The following TIMD4 variants were observed in gnomAD, a reference collection of about 807,000 sequenced individuals.
TIMD4 encodes the protein T-cell immunoglobulin and mucin domain-containing protein 4.
A neutral mutation model predicts 41.2 loss-of-function variants in TIMD4; 31 were observed. The ratio of observed to expected loss-of-function variants is 0.75; its 90% CI spans 0.57 to 1.01. The LOEUF (loss-of-function observed/expected upper bound fraction) is 1.01. Ranked by LOEUF, TIMD4 falls within the 50% of genes least tolerant of loss-of-function variation. The pLI is 0.00. For missense variants in TIMD4, 479 were observed against 472.5 expected (o/e 1.01, Z -0.13); for synonymous variants, 204 against 177.1 (o/e 1.15, Z -1.21).
At chr5:156,954,818 A>G (rs747938883) in intron 1 of TIMD4, 62 bp from the exon 2 acceptor site, 2 of 1,377,272 alleles carry the variant, frequency 1.5e-6, no homozygotes, top group Non-Finnish European at 2.0e-6. Flanking sequence ...CATGCTACAC[A>G]GTTTTTGTGC....
intron 4 of TIMD4, 68 bp from the exon 5 acceptor site, chr5:156,948,567 C>A: frequency 9.3e-7 from 1 of 1,072,482 alleles, no homozygotes; most frequent in Non-Finnish European, 1.3e-6. Flanking sequence ...TTTTGGTACT[C>A]AACTGTCCCT....
intron 3 of TIMD4, among the ~76,000 whole-genome samples, chr5:156,950,373 T>G (rs188177402): frequency 1.3e-5 from 2 of 152,346 alleles, no homozygotes; most frequent in Non-Finnish European, 1.5e-5. Flanking sequence ...TTGTGTTTTA[T>G]GGTAGTTATT....
chr5:156,960,517 C>T (rs1321294051), intron 1 of TIMD4, among the ~76,000 whole-genome samples: 1 of 151,584 alleles, frequency 6.6e-6, no homozygotes, highest in African/African-American at 2.4e-5. Flanking sequence ...AGCGATTCTC[C>T]TGCCTCAGCC....
At position 156,938,159 on chromosome 5, in the gene TIMD4, C is replaced by G. The variant is rs530966002; in HGVS notation, c.844+10257G>C. Among the ~76,000 whole-genome samples, 80 of 152,308 alleles carry G rather than the reference C, an allele frequency of 5.3e-4. No homozygotes were observed. The South Asian group carries it at 8.9e-3, about 17-fold the overall frequency. ...ATAGTGCAATGTAGGGCAATGAGCT[C>G]TAATTTGGGAGCCAGAAGAGACTCC... On this transcript the variant is annotated intron_variant, in intron 5 of 8. Transcript: ENST00000274532.
chr5:156,955,637 CAAAGTGAGACTCCATCTCAAAAAAAAA>C (rs1759957834), intron 1 of TIMD4, among the ~76,000 whole-genome samples: 1 of 150,356 alleles, frequency 6.7e-6, no homozygotes, highest in South Asian at 2.1e-4. Context: ...GCCTGGGCAA[CAAAGTGAGACTCCATCTCAAAAAAAAA>C]AAAGCTTCAA....
At position 156,954,571 on chromosome 5, in the gene TIMD4, C is replaced by T; in HGVS notation, c.244G>A (p.Ala82Thr). ...ATAGTCCCCTGAAGTCTATATTTTG[C>T]TGACTTTCTTGAGGTCACCCTCATT... Reference protein sequence around the residue: ...DGMRVTSRKSAKYRLQGTIPR... With the variant: ...DGMRVTSRKSTKYRLQGTIPR... The change falls in exon 2 of 9, where the codon GCA becomes ACA. Residue 82 changes from alanine to threonine, a missense_variant. Coordinates refer to ENST00000274532, the MANE Select transcript of TIMD4 (RefSeq NM_138379.3). 6.2e-7 allele frequency: 1 copy of T among 1,614,252 alleles called. No individual in the cohort carries two copies. The highest frequency in any genetic ancestry group is 8.5e-7 in the Non-Finnish European group (1 of 1,180,044).
intron 5 of TIMD4, among the ~76,000 whole-genome samples, chr5:156,944,572 T>C (rs768037502): frequency 1.4e-5 from 2 of 140,330 alleles, no homozygotes; most frequent in Non-Finnish European, 3.0e-5. Context: ...TGGCGCGATC[T>C]CGGCTCACTG....
chr5:156,935,710 G>A (rs1759526268), intron 5 of TIMD4: 1 of 152,194 alleles, frequency 6.6e-6, no homozygotes. Flanking sequence ...TCTGAACCTT[G>A]GCCTCAACCT....
chr5:156,922,978 T>C (rs1043482733), intron 6 of TIMD4, among the ~76,000 whole-genome samples: 4 of 152,168 alleles, frequency 2.6e-5, no homozygotes, highest in African/African-American at 9.7e-5. Flanking sequence ...AATAAATTGA[T>C]TTTTTTAAAT....
At chr5:156,926,210 G>A in intron 6 of TIMD4, 53 bp downstream of exon 6, 4 of 1,596,302 alleles carry the variant, frequency 2.5e-6, no homozygotes, top group Non-Finnish European at 3.4e-6. Flanking sequence ...GGCCACTACT[G>A]TGGATTTTTA....
In TIMD4 at chr5:156,933,423, C is replaced by T. The variant is rs149600480; in HGVS notation, c.845-7111G>A. On this transcript the variant is annotated intron_variant, in intron 5 of 8. Transcript: ENST00000274532. ...GAGCTATGACTGGTTCACTGCACTA[C>T]AGCTTGGGCAACAGAGTGAGATCTC... Among the ~76,000 whole-genome samples, 1,025 of 152,046 alleles carry T rather than the reference C, an allele frequency of 6.7e-3. 6 individuals carry two copies. Among genetic ancestry groups the T allele is most frequent in the Non-Finnish European group, 0.011 (752 of 67,984 alleles).
chr5:156,960,048 A>G (rs1760050328), intron 1 of TIMD4, among the ~76,000 whole-genome samples: 1 of 151,338 alleles, frequency 6.6e-6, no homozygotes, highest in African/African-American at 2.4e-5. Context: ...GTCTCGAAAA[A>G]ACCCAAAAAT....
At chr5:156,932,511 T>G (rs1759460661) in intron 5 of TIMD4, among the ~76,000 whole-genome samples, 8 of 152,170 alleles carry the variant, frequency 5.3e-5, no homozygotes, top group Admixed American at 5.2e-4. Context: ...TAAGTACATA[T>G]AAAACCCAAC....
intron 1 of TIMD4, among the ~76,000 whole-genome samples, chr5:156,961,452 G>A (rs569111668): frequency 1.5e-4 from 23 of 152,150 alleles, no homozygotes; most frequent in South Asian, 6.2e-4. Flanking sequence ...CACTATGCAC[G>A]ATAGCCAAGA....
intron 5 of TIMD4, among the ~76,000 whole-genome samples, chr5:156,932,590 T>G (rs1412363872): frequency 6.6e-6 from 1 of 152,212 alleles, no homozygotes; most frequent in Non-Finnish European, 1.5e-5. Flanking sequence ...GATTGGACAA[T>G]GTTCTATAGT....
intron 2 of TIMD4, among the ~76,000 whole-genome samples, chr5:156,952,462 C>T (rs1759881342): frequency 6.6e-6 from 1 of 152,086 alleles, no homozygotes; most frequent in Admixed American, 6.6e-5. Context: ...TCCACCCGCC[C>T]CCGCTATCAC....
intron 5 of TIMD4, among the ~76,000 whole-genome samples, chr5:156,934,374 G>T (rs1759501522): frequency 6.6e-6 from 1 of 152,150 alleles, no homozygotes; most frequent in South Asian, 2.1e-4. Context: ...CCTCACCTCT[G>T]CTTCCCAAAT....
At chr5:156,948,324 CA>C (rs771775507) in intron 5 of TIMD4, 91 bp downstream of exon 5, 72,691 of 473,266 alleles carry the variant, frequency 0.15, 67 homozygotes, top group South Asian at 0.18. Context: ...CTCATCTCTA[CA>C]AAAAAAAAAA....
Position 156,920,502 on chromosome 5 carries a change from C to T in TIMD4, c.1014G>A (p.Gly338=). 6.2e-7 allele frequency: 1 copy of T among 1,614,014 alleles called. No homozygotes were observed. Among genetic ancestry groups the T allele is most frequent in the East Asian group, 2.2e-5 (1 of 44,878 alleles). ...FALFVAFLLR[G]KLMETYCSQK... ...GCGAACAATAGGTTTCCATGAGTTTCCCTGAAAAGACAAGGCCACAGTGTG... is the reference window on the plus strand; with the variant it reads ...GCGAACAATAGGTTTCCATGAGTTTTCCTGAAAAGACAAGGCCACAGTGTG... The change falls in exon 8 of 9, where the codon GGG becomes GGA. Residue 338 remains glycine, a splice_region_variant and synonymous_variant. Transcript: ENST00000274532.
Sources: gnomAD v4.1 joint callset for allele counts (sites outside exome capture counted in the v4.1 genomes callset) on GRCh38, gnomAD v4.1.1 for gene constraint, MANE v1.5 for transcripts, NCBI Gene and HGNC (gene_info 2026-07-23, HGNC 2026-07-21) for gene names.